SNTG1: variants seen among roughly 807,000 people sequenced by gnomAD.
SNTG1 encodes the protein gamma-1-syntrophin.
In SNTG1, 39 loss-of-function variants were observed where a neutral mutation model predicts 74.7. The ratio of observed to expected loss-of-function variants is 0.52; its 90% confidence interval spans 0.40 to 0.68. SNTG1 has a LOEUF of 0.68. Ranked by LOEUF, SNTG1 falls within the 30% of genes least tolerant of loss-of-function variation. The probability of loss-of-function intolerance (pLI) is 0.00; values close to 1 mark genes in which losing one functional copy is unlikely to be tolerated. For synonymous variants in SNTG1, 254 were observed against 217.1 expected, an observed-to-expected ratio of 1.17 and a Z score of -1.49; for missense variants, 685 against 609.5, an observed-to-expected ratio of 1.12 and a Z score of -1.30.
intron 18 of SNTG1, among the ~76,000 whole-genome samples, chr8:50,774,964 GA>G (rs1023544989): frequency 6.0e-5 from 9 of 150,304 alleles, no homozygotes; most frequent in Non-Finnish European, 1.2e-4. Flanking sequence ...AAAATTATAT[GA>G]ATGTAGTATA....
intron 2 of SNTG1, among the ~76,000 whole-genome samples, chr8:50,318,101 G>T (rs1352562212): frequency 6.6e-6 from 1 of 152,056 alleles, no homozygotes; most frequent in African/African-American, 2.4e-5. Context: ...CTCCCAAAGT[G>T]CTGGGATTAC....
At chr8:49,923,881 T>C (rs900800274) in intron 1 of SNTG1, among the ~76,000 whole-genome samples, 1 of 152,204 alleles carries the variant, frequency 6.6e-6, no homozygotes, top group African/African-American at 2.4e-5. Context: ...CTGCAAGTTT[T>C]AATGACTTTT....
At chr8:50,087,375 G>A (rs551413490) in intron 1 of SNTG1, among the ~76,000 whole-genome samples, 1 of 152,150 alleles carries the variant, frequency 6.6e-6, no homozygotes, top group Non-Finnish European at 1.5e-5. Flanking sequence ...CAGTTCCAGA[G>A]CAGCTGAAAC....
chr8:50,205,821 G>A (rs548437389), intron 2 of SNTG1, among the ~76,000 whole-genome samples: 1 of 152,238 alleles, frequency 6.6e-6, no homozygotes, highest in East Asian at 1.9e-4. Flanking sequence ...TTGTTAAGTA[G>A]GGAATCCTTT....
intron 2 of SNTG1, among the ~76,000 whole-genome samples, chr8:50,231,316 A>G (rs1380061833): frequency 6.6e-6 from 1 of 151,408 alleles, no homozygotes; most frequent in Non-Finnish European, 1.5e-5. Flanking sequence ...TATGGAAACC[A>G]ATATGGTGGT....
intron 13 of SNTG1, among the ~76,000 whole-genome samples, chr8:50,635,059 G>A (rs1412855334): frequency 6.6e-6 from 1 of 152,026 alleles, no homozygotes. Flanking sequence ...ACCTTTCAAA[G>A]CTTTCCAAGA....
At chr8:49,961,083 A>G (rs1810640942) in intron 1 of SNTG1, among the ~76,000 whole-genome samples, 1 of 152,076 alleles carries the variant, frequency 6.6e-6, no homozygotes, top group African/African-American at 2.4e-5. Flanking sequence ...AAACATATGG[A>G]CAGTTGTCAG....
At chr8:50,429,779 G>T (rs531130510) in intron 4 of SNTG1, among the ~76,000 whole-genome samples, 1 of 151,884 alleles carries the variant, frequency 6.6e-6, no homozygotes, top group African/African-American at 2.4e-5. Flanking sequence ...AAAAGTTCTC[G>T]CAACTCAATT....
At chr8:50,474,323 T>C (rs2093677881) in intron 8 of SNTG1, among the ~76,000 whole-genome samples, 1 of 150,704 alleles carries the variant, frequency 6.6e-6, no homozygotes, top group Non-Finnish European at 1.5e-5. Context: ...CTCAACCTAC[T>C]CATCTGACAA....
chr8:50,333,109 C>T (rs1373452234), intron 2 of SNTG1, among the ~76,000 whole-genome samples: 4 of 152,116 alleles, frequency 2.6e-5, no homozygotes, highest in Non-Finnish European at 5.9e-5. Context: ...TTTGTAAAAA[C>T]GTAATATATA....
intron 13 of SNTG1, among the ~76,000 whole-genome samples, chr8:50,622,552 T>G (rs1180455596): frequency 1.3e-5 from 2 of 152,172 alleles, no homozygotes; most frequent in African/African-American, 4.8e-5. Context: ...AAACTATAAG[T>G]TCTCTTTATT....
At chr8:49,946,673 G>A (rs1192762725) in intron 1 of SNTG1, among the ~76,000 whole-genome samples, 1 of 151,808 alleles carries the variant, frequency 6.6e-6, no homozygotes, top group Non-Finnish European at 1.5e-5. Context: ...ATATTTTTTT[G>A]TAGTCAAAGT....
At chr8:50,179,307 A>G (rs2131702190) in intron 2 of SNTG1, among the ~76,000 whole-genome samples, 1 of 152,328 alleles carries the variant, frequency 6.6e-6, no homozygotes. Flanking sequence ...AGGGTCCCAT[A>G]TAACTTTAGA....
At chr8:50,583,158 T>G (rs1444242862) in intron 12 of SNTG1, among the ~76,000 whole-genome samples, 1 of 151,978 alleles carries the variant, frequency 6.6e-6, no homozygotes, top group Admixed American at 6.5e-5. Context: ...TCTTAAGTAC[T>G]TTGGGAAGCC....
chr8:50,509,306 C>G (rs1459958829), intron 9 of SNTG1, among the ~76,000 whole-genome samples: 2 of 152,162 alleles, frequency 1.3e-5, no homozygotes, highest in Non-Finnish European at 2.9e-5. Context: ...CAGTACCATG[C>G]TGTTTTGGTT....
chr8:50,578,416 A>G (rs1185172934), intron 12 of SNTG1, among the ~76,000 whole-genome samples: 6 of 38,254 alleles, frequency 1.6e-4, no homozygotes. Context: ...TGAGAGGATG[A>G]GAGAGAAAGA....
chr8:50,013,002 C>T (rs973631698), intron 1 of SNTG1, among the ~76,000 whole-genome samples: 1 of 152,130 alleles, frequency 6.6e-6, no homozygotes, highest in African/African-American at 2.4e-5. Context: ...CTGAATCCTA[C>T]TTCTAAGAGT....
At chr8:50,266,571 A>G (rs1408687550) in intron 2 of SNTG1, among the ~76,000 whole-genome samples, 1 of 151,358 alleles carries the variant, frequency 6.6e-6, no homozygotes, top group Non-Finnish European at 1.5e-5. Context: ...TGATGAATAA[A>G]TATAAATAAA....
At chr8:50,670,127 G>T (rs1197674123) in intron 15 of SNTG1, among the ~76,000 whole-genome samples, 2 of 152,110 alleles carry the variant, frequency 1.3e-5, no homozygotes, top group African/African-American at 2.4e-5. Flanking sequence ...TTTGAAAACT[G>T]GCACAAGACA....
Sources: allele counts gnomAD v4.1 joint callset (sites outside exome capture counted in the v4.1 genomes callset), GRCh38; gene constraint gnomAD v4.1.1; transcripts MANE v1.5; gene names NCBI Gene and HGNC (gene_info 2026-07-23, HGNC 2026-07-21).